IGFN1: variants seen among roughly 807,000 people sequenced by gnomAD.
IGFN1 encodes immunoglobulin-like and fibronectin type III domain-containing protein 1.
In IGFN1, 253 loss-of-function variants were observed where a neutral mutation model predicts 289.5. The observed-to-expected ratio is 0.87, with a 90% CI of 0.79 to 0.97. IGFN1 has a LOEUF of 0.97. Among genes scored for constraint, IGFN1 ranks in the 50% least tolerant of loss-of-function variants. IGFN1 has a pLI of 0.00. For missense variants in IGFN1, 4,470 were observed against 4,686.1 expected, an observed-to-expected ratio of 0.95 and a Z score of 1.35; for synonymous variants, 1,706 against 1,788.5, an observed-to-expected ratio of 0.95 and a Z score of 1.16.
At position 201,206,276 on chromosome 1, in the gene IGFN1, C is replaced by A. The variant is rs1478214145; in HGVS notation, c.1383C>A (p.Asp461Glu). The change falls in exon 12 of 24, where the codon GAC (aspartate) becomes GAA (glutamate). Residue 461 changes from aspartate (D) to glutamate (E), a missense_variant. By Grantham distance (45) the Asp-to-Glu change is conservative. Coordinates refer to ENST00000335211, the MANE Select transcript of IGFN1 (RefSeq NM_001164586.2). ...GGCTCCAGCACATAGCCAGCCCAGA[C>A]AGGGATGGCCTTGGCAGACATGGCT... is the stretch of plus-strand genomic sequence containing the variant. ...ASGLQHIASPDRDGLGRHGYS... is the reference protein window; with the variant it reads ...ASGLQHIASPERDGLGRHGYS... 1.9e-6 allele frequency: 3 copies of A among 1,548,842 alleles called. No individual in the cohort carries two copies. The highest frequency in any genetic ancestry group is 2.4e-5 in the South Asian group (2 of 83,938).
chr1:201,199,607 A>C lies in IGFN1; in HGVS notation c.413-2A>C, dbSNP rs1315499952. On this transcript the variant is annotated splice_acceptor_variant, in intron 6 of 23. Coordinates refer to ENST00000335211, the MANE Select transcript of IGFN1 (RefSeq NM_001164586.2). LOFTEE classifies it high-confidence loss of function. ...GAGGCCTCATTCCTGCTCCTTTTTC[A>C]GACCTCAGGAAGGAGCTGATGGACT... is the stretch of plus-strand genomic sequence containing the variant. 6.4e-7 allele frequency: 1 copy of C among 1,551,000 alleles called. No individual in the cohort carries two copies. Among genetic ancestry groups the C allele is most frequent in the South Asian group, 1.2e-5 (1 of 83,976 alleles).
At chr1:201,218,373 C>T (rs1451095911) in intron 17 of IGFN1, among the ~76,000 whole-genome samples, 157 bp from the exon 18 acceptor site, 2 of 152,216 alleles carry the variant, frequency 1.3e-5, no homozygotes, top group Admixed American at 6.5e-5. Context: ...GTGCTCTTTC[C>T]ACCTTGGAGG....
In IGFN1 at chr1:201,228,738, C is replaced by A; in HGVS notation, c.*339C>A. Reference sequence around the variant, plus strand: ...TGGGCCGGCTCCTTATTTTCCTGGGCTGAGCCGTTTGGAGGGAGGGTGGGC... The same window carrying A: ...TGGGCCGGCTCCTTATTTTCCTGGGATGAGCCGTTTGGAGGGAGGGTGGGC... On this transcript the variant is annotated 3_prime_UTR_variant, in exon 24 of 24. Coordinates refer to ENST00000335211, the MANE Select transcript of IGFN1 (RefSeq NM_001164586.2). 1 of 340,662 alleles carries A rather than the reference C, an allele frequency of 2.9e-6. No homozygotes were observed. The highest frequency in any genetic ancestry group is 5.5e-6 in the Non-Finnish European group (1 of 182,072). The allele number at this position is 340,662 out of a possible 1,614,324, so 21.1% of individuals were successfully genotyped here.
At chr1:201,193,137 C>T in intron 1 of IGFN1, 110 bp from the exon 2 acceptor site, 1 of 611,988 alleles carries the variant, frequency 1.6e-6, no homozygotes, top group Non-Finnish European at 3.0e-6. Context: ...TTGGGGGCAG[C>T]AGCTTTTTCC....
In IGFN1 at chr1:201,207,236, C is replaced by T; in HGVS notation, c.2343C>T (p.Pro781=). The change falls in exon 12 of 24, where the codon CCC becomes CCT. Residue 781 remains proline (P), a synonymous_variant. Transcript: ENST00000335211. ...CTGGCCCTGGAGGCCCAGGAGACCC[C>T]AGAGGCTGCGAAGGTGTCCTACAGG... The part of the protein sequence containing the change: ...YKTGPGGPGD[P]RGCEGVLQEL... The T allele has an allele frequency of 6.5e-7, 1 of 1,536,740 alleles. No individual in the cohort carries two copies.
chr1:201,206,621 A>G lies in IGFN1; in HGVS notation c.1728A>G (p.Glu576=). Residue 576 remains glutamate, a synonymous_variant, in exon 12 of 24, where the codon GAA becomes GAG. Coordinates refer to ENST00000335211, the MANE Select transcript of IGFN1 (RefSeq NM_001164586.2). The part of the protein sequence containing the change: ...LQAGGLGSSR[E]GKEHRGDSGR... ...CTGGAGGACTGGGGAGCAGCAGGGA[A>G]GGAAAGGAGCACAGAGGGGACAGTG... 1 of 1,542,610 alleles carries G rather than the reference A, an allele frequency of 6.5e-7. No homozygotes were observed.
intron 1 of IGFN1, among the ~76,000 whole-genome samples, chr1:201,192,387 A>G (rs1264939485): frequency 6.6e-6 from 1 of 152,110 alleles, no homozygotes; most frequent in Non-Finnish European, 1.5e-5. Flanking sequence ...CTTTCAAGAC[A>G]TCCCCCCTCC....
Position 201,213,065 on chromosome 1 carries a change from C to A in IGFN1, c.8172C>A (p.Ala2724=). 6.4e-7 allele frequency: 1 copy of A among 1,551,586 alleles called. No individual in the cohort carries two copies. Among genetic ancestry groups the A allele is most frequent in the Non-Finnish European group, 8.7e-7 (1 of 1,146,962 alleles). Residue 2724 remains alanine, a synonymous_variant, in exon 12 of 24, where the codon GCC becomes GCA. Transcript: ENST00000335211. ...GGAATTCTACTGAGTGGGGGAATGC[C>A]CTCACCCCAAAACCTGGGGAGTCCG... ...GKGNSTEWGN[A]LTPKPGESGP...
Position 201,221,626 on chromosome 1 carries a change from T to G in IGFN1, c.10081T>G (p.Tyr3361Asp). ...CHVGTVPVTTYTAKGLRPGEG... is the reference protein window; with the variant it reads ...CHVGTVPVTTDTAKGLRPGEG... Reference sequence around the variant, plus strand: ...TGTGGGCACCGTGCCAGTCACCACCTACACGGCCAAGGGGCTTCGGCCTGG... The same window carrying G: ...TGTGGGCACCGTGCCAGTCACCACCGACACGGCCAAGGGGCTTCGGCCTGG... The change falls in exon 19 of 24, where the codon TAC becomes GAC. Residue 3361 changes from tyrosine (Y) to aspartate (D), a missense_variant. Physicochemically the swap from Tyr to Asp is radical, Grantham distance 160. Coordinates refer to ENST00000335211, the MANE Select transcript of IGFN1 (RefSeq NM_001164586.2). 1.2e-6 allele frequency: 2 copies of G among 1,614,204 alleles called. No individual in the cohort carries two copies. Among genetic ancestry groups the G allele is most frequent in the African/African-American group, 2.7e-5 (2 of 75,068 alleles).
In IGFN1 at chr1:201,207,980, A is replaced by C. The variant is rs1215463934; in HGVS notation, c.3087A>C (p.Ala1029=). The C allele has an allele frequency of 6.5e-7, 1 of 1,536,914 alleles. No homozygotes were observed. The highest frequency in any genetic ancestry group is 2.0e-5 in the Admixed American group (1 of 50,990). Residue 1029 remains alanine (A), a synonymous_variant, in exon 12 of 24, where the codon GCA becomes GCC. Coordinates refer to ENST00000335211, the MANE Select transcript of IGFN1 (RefSeq NM_001164586.2). ...CTGGAAATGAAGATTCTGGCCCTGC[A>C]GGAGGAGGGTCTGGGAGAGTTGCCA... The part of the protein sequence containing the change: ...VWSGNEDSGP[A]GGGSGRVASL...
At chr1:201,217,566 G>T in intron 17 of IGFN1, 106 bp downstream of exon 17, 1 of 1,211,084 alleles carries the variant, frequency 8.3e-7, no homozygotes, top group Non-Finnish European at 1.2e-6. Flanking sequence ...CTCGTCTAGG[G>T]TGGTTTGGCA....
rs1485918927 is a variant in IGFN1, at chr1:201,212,421, A to G, written c.7528A>G (p.Arg2510Gly). 1.3e-5 allele frequency: 20 copies of G among 1,537,000 alleles called. No individual in the cohort carries two copies. The highest frequency in any genetic ancestry group is 1.7e-5 in the Non-Finnish European group (20 of 1,146,814). ...PGSSRDRGAP[R>G]VKDRSPDQAG... ...GTCTTCTAGAGACAGAGGGGCTCCC[A>G]GGGTGAAGGATAGGTCTCCAGACCA... Residue 2510 changes from arginine (R) to glycine (G), a missense_variant, in exon 12 of 24, where the codon AGG (arginine) becomes GGG (glycine). Physicochemically the swap from Arg to Gly is moderately radical, Grantham distance 125 (BLOSUM62 -2). Coordinates refer to ENST00000335211, the MANE Select transcript of IGFN1 (RefSeq NM_001164586.2).
intron 8 of IGFN1, among the ~76,000 whole-genome samples, chr1:201,201,074 G>A (rs952754122): frequency 6.6e-5 from 10 of 151,940 alleles, no homozygotes; most frequent in African/African-American, 2.2e-4. Context: ...CTCGTGATCC[G>A]CCTGCCTCGG....
At chr1:201,227,591 C>T (rs943941580) in intron 23 of IGFN1, among the ~76,000 whole-genome samples, 1 of 151,818 alleles carries the variant, frequency 6.6e-6, no homozygotes, top group Non-Finnish European at 1.5e-5. Context: ...CCACACCTGG[C>T]GGATTTTTTT....
intron 23 of IGFN1, 24 bp from the exon 24 acceptor site, chr1:201,228,362 A>C (rs767010035): frequency 6.2e-7 from 1 of 1,613,544 alleles, no homozygotes; most frequent in Admixed American, 1.7e-5. Flanking sequence ...CTCTGAACCA[A>C]CTGGAATATC....
chr1:201,209,337 T>G lies in IGFN1; in HGVS notation c.4444T>G (p.Leu1482Val). The G allele has an allele frequency of 6.7e-7, 1 of 1,484,748 alleles. No homozygotes were observed. 92.0% of individuals were successfully genotyped at this position (1,484,748 alleles called of 1,614,324 possible). ...GAGCAAGGCAGGTTACAGGGGTGGT[T>G]TAAGGGGTTCTGGGGAAATGGGGTT... ...SGSKAGYRGG[L>V]RGSGEMGLIE... The change falls in exon 12 of 24, where the codon TTA becomes GTA. Residue 1482 changes from leucine (L) to valine (V), a missense_variant. By Grantham distance (32) the Leu-to-Val change is conservative. Around this residue, in one of 8 missense-constraint regions of IGFN1, gnomAD observed 2,011 missense variants for 1,953.4 expected, o/e 1.03. Coordinates refer to ENST00000335211, the MANE Select transcript of IGFN1 (RefSeq NM_001164586.2).
chr1:201,202,577 C>T (rs1440436326), intron 9 of IGFN1, among the ~76,000 whole-genome samples: 1 of 152,164 alleles, frequency 6.6e-6, no homozygotes. Context: ...GGCAGAGAGA[C>T]TTCCCTTGGC....
chr1:201,194,958 G>A (rs1244255002), intron 3 of IGFN1, among the ~76,000 whole-genome samples: 1 of 152,180 alleles, frequency 6.6e-6, no homozygotes, highest in Non-Finnish European at 1.5e-5. Context: ...TGTTCCTGGT[G>A]GGAGGCTGAG....
rs780790608 is a variant in IGFN1 at position 201,207,602 on chromosome 1, G to T, written c.2709G>T (p.Gly903=). ...APGLGAQGSG[G]TLGDKKGLRG... ...GCCTGGGTGCTCAGGGATCTGGGGGGACACTAGGAGATAAGAAAGGATTAA... is the reference window on the plus strand; with the variant it reads ...GCCTGGGTGCTCAGGGATCTGGGGGTACACTAGGAGATAAGAAAGGATTAA... The change falls in exon 12 of 24, where the codon GGG becomes GGT. Residue 903 remains glycine, a synonymous_variant. Transcript: ENST00000335211. The T allele has an allele frequency of 2.0e-6, 3 of 1,537,034 alleles. No homozygotes were observed. The highest frequency in any genetic ancestry group is 2.4e-5 in the South Asian group (2 of 84,050).
Sources: allele counts gnomAD v4.1 joint callset (sites outside exome capture counted in the v4.1 genomes callset), GRCh38; gene constraint gnomAD v4.1.1; regional missense constraint gnomAD v4.1.1; transcripts MANE v1.5; gene names NCBI Gene and HGNC (gene_info 2026-07-23, HGNC 2026-07-21).